Variants in NTM observed in about 807,000 individuals in gnomAD.
The protein encoded by NTM is IgLON family member 2.
Under a neutral mutation model 42.1 loss-of-function variants are expected in NTM, and 13 were observed. That is an observed-to-expected ratio of 0.31 (90% CI 0.20 to 0.49). The LOEUF is 0.49. Among genes scored for constraint, NTM ranks in the 20% least tolerant of loss-of-function variants. The pLI is 0.99. For synonymous variants in NTM, 187 were observed against 179.2 expected (o/e 1.04, Z -0.35); for missense variants, 373 against 452.8 (o/e 0.82, Z 1.60).
chr11:132,218,356 T>C (rs1324955379), intron 4 of NTM, among the ~76,000 whole-genome samples: 1 of 152,198 alleles, frequency 6.6e-6, no homozygotes, highest in Non-Finnish European at 1.5e-5. Flanking sequence ...AATCTCCTTT[T>C]GGTTGGGTTG....
chr11:131,737,146 G>A (rs551757521), intron 1 of NTM, among the ~76,000 whole-genome samples: 1 of 152,190 alleles, frequency 6.6e-6, no homozygotes, highest in African/African-American at 2.4e-5. Context: ...TGATGGATCT[G>A]GCATCTTGTG....
At chr11:131,724,908 C>A (rs1181500571) in intron 1 of NTM, among the ~76,000 whole-genome samples, 1 of 152,082 alleles carries the variant, frequency 6.6e-6, no homozygotes, top group East Asian at 1.9e-4. Flanking sequence ...AGGCAGCAGG[C>A]TTGGAGCTTG....
intron 1 of NTM, among the ~76,000 whole-genome samples, chr11:131,907,391 A>G (rs1407834671): frequency 6.6e-6 from 1 of 152,136 alleles, no homozygotes; most frequent in African/African-American, 2.4e-5. Flanking sequence ...CCTGCCAACC[A>G]TCCAGAGTAC....
At chr11:131,998,270 G>C (rs1001420240) in intron 2 of NTM, among the ~76,000 whole-genome samples, 2 of 152,146 alleles carry the variant, frequency 1.3e-5, no homozygotes, top group Admixed American at 6.5e-5. Flanking sequence ...TAAAAGCTGC[G>C]TGGAGTGAGC....
intron 2 of NTM, among the ~76,000 whole-genome samples, chr11:132,043,301 G>A (rs758492268): frequency 6.6e-6 from 1 of 152,186 alleles, no homozygotes; most frequent in Non-Finnish European, 1.5e-5. Flanking sequence ...AGCAATATGT[G>A]TTCTGGTTAA....
At chr11:132,118,086 T>C (rs1436521495) in intron 2 of NTM, among the ~76,000 whole-genome samples, 1 of 152,264 alleles carries the variant, frequency 6.6e-6, no homozygotes, top group East Asian at 1.9e-4. Context: ...ACATTTATAT[T>C]GCATCTTCAC....
intron 1 of NTM, among the ~76,000 whole-genome samples, chr11:131,496,555 C>T (rs1955365148): frequency 6.6e-6 from 1 of 152,182 alleles, no homozygotes; most frequent in Non-Finnish European, 1.5e-5. Context: ...CTTCATTGCT[C>T]CCCCGAAGGG....
chr11:131,706,337 A>G (rs553201319), intron 1 of NTM, among the ~76,000 whole-genome samples: 2 of 152,168 alleles, frequency 1.3e-5, no homozygotes, highest in East Asian at 3.9e-4. Flanking sequence ...AGATACATAA[A>G]CATTAACAAA....
intron 1 of NTM, among the ~76,000 whole-genome samples, chr11:131,382,873 T>C (rs1942858482): frequency 6.6e-6 from 1 of 152,230 alleles, no homozygotes; most frequent in African/African-American, 2.4e-5. Context: ...TTTTGGACTT[T>C]ATAGTTACAT....
At chr11:131,513,603 A>C (rs2048528230) in intron 1 of NTM, among the ~76,000 whole-genome samples, 1 of 152,224 alleles carries the variant, frequency 6.6e-6, no homozygotes, top group Non-Finnish European at 1.5e-5. Context: ...AGACAGAATG[A>C]AAAGACTGAT....
chr11:131,526,173 G>A (rs762075633), intron 1 of NTM, among the ~76,000 whole-genome samples: 25 of 152,186 alleles, frequency 1.6e-4, no homozygotes, highest in Non-Finnish European at 3.4e-4. Context: ...GTGTGAGTTA[G>A]CACATAAATG....
At chr11:132,189,079 G>A (rs1443839769) in intron 3 of NTM, among the ~76,000 whole-genome samples, 2 of 152,186 alleles carry the variant, frequency 1.3e-5, no homozygotes, top group African/African-American at 2.4e-5. Context: ...ACATTTTCTG[G>A]TGCTGATGTT....
chr11:132,299,394 A>G (rs2094753421), intron 4 of NTM, among the ~76,000 whole-genome samples: 1 of 152,222 alleles, frequency 6.6e-6, no homozygotes, highest in Admixed American at 6.5e-5. Flanking sequence ...GGAAGGGAAC[A>G]TGGTGCAAAA....
At chr11:131,513,222 A>G (rs2048479239) in intron 1 of NTM, among the ~76,000 whole-genome samples, 1 of 152,202 alleles carries the variant, frequency 6.6e-6, no homozygotes, top group African/African-American at 2.4e-5. Context: ...CCACCAGTAG[A>G]TCCTGCTTTC....
At chr11:131,950,321 C>T (rs79375951) in intron 2 of NTM, among the ~76,000 whole-genome samples, 75 of 152,348 alleles carry the variant, frequency 4.9e-4, no homozygotes, top group African/African-American at 1.7e-3. Context: ...ACTAATAACA[C>T]GTGGATTCCC....
intron 2 of NTM, among the ~76,000 whole-genome samples, chr11:132,108,405 C>T (rs2136691045): frequency 6.6e-6 from 1 of 152,182 alleles, no homozygotes; most frequent in Non-Finnish European, 1.5e-5. Context: ...AATTGGAGGC[C>T]ATTATTTTAA....
At chr11:131,776,806 C>T (rs1448732908) in intron 1 of NTM, among the ~76,000 whole-genome samples, 1 of 152,086 alleles carries the variant, frequency 6.6e-6, no homozygotes, top group African/African-American at 2.4e-5. Context: ...TCCTGTGACT[C>T]CACTATGCAC....
rs140686351 is a variant in NTM, at chr11:131,790,307, G to T, written c.83-121257G>T. ...GGATAGACTGATGAGAAAAACACAT[G>T]CCATTTTGCACGTGTTTTATTGCAC... is the stretch of plus-strand genomic sequence containing the variant. On this transcript the variant is annotated intron_variant, in intron 1 of 8. Transcript: ENST00000683400. 5.1e-3 allele frequency among the ~76,000 whole-genome samples: 778 copies of T among 152,224 alleles called. 8 individuals are homozygous for T. The highest frequency in any genetic ancestry group is 0.018 in the African/African-American group (746 of 41,548).
intron 1 of NTM, among the ~76,000 whole-genome samples, chr11:131,475,984 T>C (rs1338832316): frequency 6.6e-6 from 1 of 151,958 alleles, no homozygotes; most frequent in Admixed American, 6.6e-5. Flanking sequence ...ACCTGGAACT[T>C]GGCAGGTACT....
Sources: gnomAD v4.1 joint callset for allele counts (sites outside exome capture counted in the v4.1 genomes callset) on GRCh38, gnomAD v4.1.1 for gene constraint, MANE v1.5 for transcripts, NCBI Gene and HGNC (gene_info 2026-07-23, HGNC 2026-07-21) for gene names.